Variants in GRIN2A observed in about 807,000 individuals in gnomAD.
The protein encoded by GRIN2A is glutamate ionotropic receptor NMDA type subunit 2A.
Under a neutral mutation model 113.4 loss-of-function variants are expected in GRIN2A, and 22 were observed. The observed-to-expected ratio is 0.19, with a 90% CI of 0.14 to 0.28. The LOEUF is 0.28. GRIN2A is among the 10% of genes least tolerant of loss of function. The pLI, the probability that GRIN2A is intolerant of heterozygous loss-of-function variation, is 1.00. For missense variants in GRIN2A, 1,502 were observed against 1,887.0 expected (o/e 0.80, Z 3.78); for synonymous variants, 827 against 738.4 (o/e 1.12, Z -1.94).
intron 2 of GRIN2A, among the ~76,000 whole-genome samples, chr16:10,124,471 G>C (rs1277676634): frequency 7.2e-6 from 1 of 138,306 alleles, no homozygotes; most frequent in Non-Finnish European, 1.6e-5. Context: ...ACTTAGCCTT[G>C]ATAACTCTTT....
At chr16:10,096,766 T>C (rs930313291) in intron 2 of GRIN2A, among the ~76,000 whole-genome samples, 2 of 152,122 alleles carry the variant, frequency 1.3e-5, no homozygotes, top group African/African-American at 4.8e-5. Flanking sequence ...CCCATTCTCC[T>C]TGTACTTCCC....
At chr16:10,169,183 T>C (rs1238645054) in intron 2 of GRIN2A, among the ~76,000 whole-genome samples, 1 of 152,124 alleles carries the variant, frequency 6.6e-6, no homozygotes, top group Non-Finnish European at 1.5e-5. Context: ...TCTTAATATA[T>C]TTCATTTAGA....
intron 12 of GRIN2A, among the ~76,000 whole-genome samples, chr16:9,766,648 C>T (rs952577974): frequency 5.3e-5 from 8 of 152,148 alleles, no homozygotes; most frequent in Non-Finnish European, 1.2e-4. Context: ...CTGGAGCATC[C>T]AGACTGTGGA....
In GRIN2A at chr16:9,849,908, C is replaced by T. The variant is rs1596494999; in HGVS notation, c.1176G>A (p.Arg392=). 4 of 1,613,982 alleles carry T rather than the reference C, an allele frequency of 2.5e-6. No individual in the cohort carries two copies. The highest frequency in any genetic ancestry group is 2.2e-5 in the East Asian group (1 of 44,870). Residue 392 remains arginine, a synonymous_variant, in exon 5 of 13, where the codon AGG becomes AGA. Transcript: ENST00000330684. The part of the protein sequence containing the change: ...TLSLRHAVWP[R]YKSFSDCEPD... ...GCTCACAGTCGGAGAAGGACTTGTA[C>T]CTGGGCCACACGGCGTGCCTCAGGC...
chr16:9,857,097 T>G (rs1296942639), intron 4 of GRIN2A, among the ~76,000 whole-genome samples: 1 of 152,116 alleles, frequency 6.6e-6, no homozygotes, highest in African/African-American at 2.4e-5. Flanking sequence ...GTAGGGGTAT[T>G]CTAGAAGATA....
At chr16:9,966,756 C>T (rs1434684185) in intron 2 of GRIN2A, among the ~76,000 whole-genome samples, 1 of 152,196 alleles carries the variant, frequency 6.6e-6, no homozygotes, top group African/African-American at 2.4e-5. Flanking sequence ...AAGCCTCGAT[C>T]AGAATCACCC....
At chr16:9,766,797 T>C (rs1473459117) in intron 12 of GRIN2A, among the ~76,000 whole-genome samples, 1 of 152,138 alleles carries the variant, frequency 6.6e-6, no homozygotes, top group Non-Finnish European at 1.5e-5. Flanking sequence ...CCATAAAACT[T>C]GGGGTCCTTC....
At chr16:9,881,004 C>T (rs1212409317) in intron 4 of GRIN2A, among the ~76,000 whole-genome samples, 5 of 152,172 alleles carry the variant, frequency 3.3e-5, no homozygotes, top group African/African-American at 1.2e-4. Flanking sequence ...TCAGATATGA[C>T]TTGCACATAG....
At chr16:9,886,252 T>C (rs1360429890) in intron 4 of GRIN2A, among the ~76,000 whole-genome samples, 1 of 152,054 alleles carries the variant, frequency 6.6e-6, no homozygotes, top group Admixed American at 6.5e-5. Context: ...CTACCTCCTA[T>C]GGATGATTAG....
At chr16:10,056,358 CT>C (rs2047456853) in intron 2 of GRIN2A, among the ~76,000 whole-genome samples, 1 of 152,100 alleles carries the variant, frequency 6.6e-6, no homozygotes, top group Non-Finnish European at 1.5e-5. Flanking sequence ...TCACCCTTCT[CT>C]TTATACAACA....
At chr16:9,837,979 C>A (rs538690479) in intron 7 of GRIN2A, among the ~76,000 whole-genome samples, 1 of 152,218 alleles carries the variant, frequency 6.6e-6, no homozygotes, top group African/African-American at 2.4e-5. Context: ...AACAGTAAAT[C>A]CATAGCGCTC....
chr16:9,921,321 A>T (rs961533583), intron 3 of GRIN2A, among the ~76,000 whole-genome samples: 1 of 152,170 alleles, frequency 6.6e-6, no homozygotes, highest in African/African-American at 2.4e-5. Flanking sequence ...CACAAGGGAG[A>T]GATCTTTGTA....
rs943702309 is a variant in GRIN2A, at chr16:9,836,382, T to A, written c.1652-2152A>T. On this transcript the variant is annotated intron_variant, in intron 7 of 12. Transcript: ENST00000330684. ...GCACATTTATTAATCTGGTAACGTC[T>A]ATTTCTCTGCAGGCTGTGAAAACAT... Among the ~76,000 whole-genome samples the A allele has an allele frequency of 7.9e-5, 12 of 152,374 alleles. 1 individual carries two copies. The highest frequency in any genetic ancestry group is 6.5e-4 in the Admixed American group (10 of 15,302).
intron 2 of GRIN2A, among the ~76,000 whole-genome samples, chr16:10,102,937 G>T (rs1392041918): frequency 6.6e-6 from 1 of 152,194 alleles, no homozygotes; most frequent in Admixed American, 6.5e-5. Context: ...CACAGACATG[G>T]AGTGGATGCC....
chr16:9,795,406 A>T (rs1902917400), intron 11 of GRIN2A, among the ~76,000 whole-genome samples: 1 of 152,202 alleles, frequency 6.6e-6, no homozygotes, highest in African/African-American at 2.4e-5. Flanking sequence ...GGCATGAATA[A>T]TCCACCCCGT....
At chr16:10,075,285 C>T (rs1274297075) in intron 2 of GRIN2A, among the ~76,000 whole-genome samples, 1 of 152,202 alleles carries the variant, frequency 6.6e-6, no homozygotes, top group East Asian at 1.9e-4. Flanking sequence ...CATACTAAAT[C>T]AGATTAGGAA....
At position 10,057,039 on chromosome 16, in the gene GRIN2A, CCCATCCATCCAG is replaced by C. The variant is rs998925487; in HGVS notation, c.415-118500_415-118489del. On this transcript the variant is annotated intron_variant, in intron 2 of 12. Transcript: ENST00000330684. Reference sequence around the variant, plus strand: ...AGCCTTCTACCCATCCATCCCTCCACCCATCCATCCAGCCATCCACCCAATTCCCCATTCATT... The same window carrying C: ...AGCCTTCTACCCATCCATCCCTCCACCCATCCACCCAATTCCCCATTCATT... 1.9e-4 allele frequency among the ~76,000 whole-genome samples: 29 copies of C among 152,152 alleles called. No individual in the cohort carries two copies. The East Asian group carries it at 3.1e-3, about 16-fold the overall frequency.
intron 2 of GRIN2A, among the ~76,000 whole-genome samples, chr16:10,077,968 C>T (rs558519329): frequency 6.6e-6 from 1 of 152,144 alleles, no homozygotes; most frequent in Admixed American, 6.6e-5. Context: ...TAGCCATCCA[C>T]GTGAACCAGG....
chr16:9,765,522 G>C (rs1045005973), intron 12 of GRIN2A, among the ~76,000 whole-genome samples: 2 of 152,170 alleles, frequency 1.3e-5, no homozygotes, highest in African/African-American at 4.8e-5. Context: ...CTAAAGGAAG[G>C]CATGAAATTC....
Sources: gnomAD v4.1 joint callset for allele counts (sites outside exome capture counted in the v4.1 genomes callset) on GRCh38, gnomAD v4.1.1 for gene constraint, MANE v1.5 for transcripts, NCBI Gene and HGNC (gene_info 2026-07-23, HGNC 2026-07-21) for gene names.